The following SCML2 variants were observed in gnomAD, a reference collection of about 807,000 sequenced individuals.
The protein encoded by SCML2 is sex comb on midleg-like protein 2.
A neutral mutation model predicts 48.4 loss-of-function variants in SCML2; 6 were observed. The ratio of observed to expected loss-of-function variants is 0.12; its 90% CI spans 0.07 to 0.24. SCML2 has a LOEUF of 0.24. Among genes scored for constraint, SCML2 ranks in the 10% least tolerant of loss-of-function variants. The probability of loss-of-function intolerance (pLI) is 1.00; values close to 1 mark genes in which losing one functional copy is unlikely to be tolerated. For missense variants in SCML2, 377 were observed against 528.2 expected (o/e 0.71, Z 2.81); for synonymous variants, 181 against 189.5 (o/e 0.95, Z 0.37).
At chrX:18,292,004 TAAG>T (rs1224468353) in intron 7 of SCML2, among the ~76,000 whole-genome samples, 1 of 110,749 alleles carries the variant, frequency 9.0e-6, no homozygotes, top group Non-Finnish European at 1.9e-5. Flanking sequence ...CTCAAATCAA[TAAG>T]AAAAAACACG....
At chrX:18,269,718 T>C (rs969182296) in intron 7 of SCML2, among the ~76,000 whole-genome samples, 2 of 111,432 alleles carry the variant, frequency 1.8e-5, no homozygotes, top group Non-Finnish European at 3.8e-5. Flanking sequence ...CCTAGGAATA[T>C]AGGAGGTCCT....
At position 18,265,713 on chromosome X, in the gene SCML2, T is replaced by C. The variant is rs1444631194; in HGVS notation, c.820A>G (p.Ile274Val). Reference sequence around the variant, plus strand: ...CTCCTGACCTGCTGTGTTGGTAATATTAGAGTAGTTTTCTGTGGAGACTGC... The same window carrying C: ...CTCCTGACCTGCTGTGTTGGTAATACTAGAGTAGTTTTCTGTGGAGACTGC... ...SMQSPQKTTL[I>V]LPTQQVRRSS... The change falls in exon 8 of 15, where the codon ATA becomes GTA. Residue 274 changes from isoleucine (I) to valine (V), a missense_variant. By Grantham distance (29) the Ile-to-Val change is conservative. Transcript: ENST00000251900. 9.9e-6 allele frequency: 12 copies of C among 1,208,349 alleles called. No individual in the cohort carries two copies. Among genetic ancestry groups the C allele is most frequent in the South Asian group, 3.5e-5 (2 of 56,757 alleles).
rs192432609 is a variant in SCML2, at chrX:18,252,233, C to T, written c.1457-4351G>A. 4.6e-3 allele frequency among the ~76,000 whole-genome samples: 516 copies of T among 112,800 alleles called. 5 individuals carry two copies. Among genetic ancestry groups the T allele is most frequent in the African/African-American group, 0.015 (482 of 31,106 alleles). ...AGGTTGTGGCGAGCCAAGATCACAC[C>T]ACTGCACTCCAGCCTAGGCAACAGA... is the stretch of plus-strand genomic sequence containing the variant. On this transcript the variant is annotated intron_variant, in intron 11 of 14. Transcript: ENST00000251900.
chrX:18,242,692 T>C, intron 13 of SCML2, 102 bp from the exon 14 acceptor site: 1 of 883,392 alleles, frequency 1.1e-6, no homozygotes, highest in African/African-American at 2.0e-5. Context: ...TGGAACCTTT[T>C]GTTAAGTTCC....
At chrX:18,312,345 T>C (rs1928977366) in intron 6 of SCML2, among the ~76,000 whole-genome samples, 1 of 111,190 alleles carries the variant, frequency 9.0e-6, no homozygotes, top group South Asian at 3.8e-4. Context: ...CTCAAGTCCC[T>C]GATATAAAAT....
At chrX:18,277,306 A>G (rs929038673) in intron 7 of SCML2, among the ~76,000 whole-genome samples, 12 of 111,853 alleles carry the variant, frequency 1.1e-4, no homozygotes, top group Admixed American at 4.7e-4. Flanking sequence ...CCTGGCCTCA[A>G]GCAATCCACC....
intron 7 of SCML2, among the ~76,000 whole-genome samples, chrX:18,292,945 A>G (rs1443071794): frequency 9.0e-6 from 1 of 111,463 alleles, no homozygotes; most frequent in East Asian, 2.8e-4. Context: ...TCTAAAGAAC[A>G]ACTATACCAT....
chrX:18,258,370 G>A, intron 9 of SCML2, 123 bp from the exon 10 acceptor site: 1 of 452,072 alleles, frequency 2.2e-6, no homozygotes, highest in Non-Finnish European at 3.7e-6. Flanking sequence ...CCTAAATATA[G>A]TTAATATCAA....
intron 6 of SCML2, among the ~76,000 whole-genome samples, chrX:18,319,700 C>A (rs1168971689): frequency 9.0e-6 from 1 of 110,856 alleles, no homozygotes; most frequent in East Asian, 2.8e-4. Flanking sequence ...GCTATTGTTA[C>A]GAATTTAATT....
intron 10 of SCML2, among the ~76,000 whole-genome samples, chrX:18,257,422 G>A (rs188772959): frequency 1.3e-3 from 142 of 111,578 alleles, no homozygotes; most frequent in African/African-American, 4.4e-3. Flanking sequence ...ATCAGCCAAG[G>A]TACTCTGCCT....
chrX:18,242,551 T>G lies in SCML2; in HGVS notation c.1862A>C (p.Lys621Thr). Residue 621 changes from lysine to threonine, a missense_variant, in exon 14 of 15, where the codon AAA becomes ACA. Physicochemically the swap from Lys to Thr is moderately conservative, Grantham distance 78 (BLOSUM62 -1). Around this residue, in one of 3 missense-constraint regions of SCML2, gnomAD observed 299 missense variants for 425.5 expected, o/e 0.70. Coordinates refer to ENST00000251900, the MANE Select transcript of SCML2 (RefSeq NM_006089.3). Reference sequence around the variant, plus strand: ...TGAAGGGTCCTTAGAGAAGCCTTGTTTCAGGACACTGGGATCAGGTACAGC... The same window carrying G: ...TGAAGGGTCCTTAGAGAAGCCTTGTGTCAGGACACTGGGATCAGGTACAGC... ...YIAVPDPSVL[K>T]QGFSKDPSTW... The G allele has an allele frequency of 1.7e-6, 2 of 1,208,179 alleles. No homozygotes were observed. The highest frequency in any genetic ancestry group is 2.2e-6 in the Non-Finnish European group (2 of 894,312).
intron 7 of SCML2, among the ~76,000 whole-genome samples, chrX:18,278,336 G>A (rs926737779): frequency 1.7e-4 from 19 of 111,413 alleles, no homozygotes; most frequent in Non-Finnish European, 3.6e-4. Flanking sequence ...CTAGCTCCCA[G>A]CCCTGAACAG....
chrX:18,308,237 G>A (rs1252274788), intron 6 of SCML2, among the ~76,000 whole-genome samples: 3 of 99,712 alleles, frequency 3.0e-5, no homozygotes, highest in Non-Finnish European at 6.1e-5. Flanking sequence ...TCCAGCCTGG[G>A]CAACGGAGTG....
chrX:18,272,944 T>G (rs1927508368), intron 7 of SCML2, among the ~76,000 whole-genome samples: 1 of 112,281 alleles, frequency 8.9e-6, no homozygotes, highest in African/African-American at 3.2e-5. Context: ...TTTCTCATTT[T>G]TAACCTGCTA....
At chrX:18,351,851 T>C (rs902057232) in intron 1 of SCML2, among the ~76,000 whole-genome samples, 3 of 111,258 alleles carry the variant, frequency 2.7e-5, no homozygotes, top group Non-Finnish European at 3.8e-5. Flanking sequence ...CAAACTAAAA[T>C]TGGGATTTGG....
intron 7 of SCML2, among the ~76,000 whole-genome samples, chrX:18,303,724 T>C (rs1245919087): frequency 8.9e-6 from 1 of 112,227 alleles, no homozygotes; most frequent in African/African-American, 3.2e-5. Context: ...TACTAAATTT[T>C]ACAAAATCAA....
intron 11 of SCML2, among the ~76,000 whole-genome samples, chrX:18,254,660 A>C (rs1926775458): frequency 1.8e-5 from 2 of 112,067 alleles, no homozygotes; most frequent in South Asian, 7.4e-4. Context: ...ATGGTGGCTC[A>C]GGCCTGTAAT....
intron 7 of SCML2, among the ~76,000 whole-genome samples, chrX:18,300,938 C>A (rs1185382458): frequency 9.1e-6 from 1 of 110,360 alleles, no homozygotes; most frequent in Non-Finnish European, 1.9e-5. Context: ...AATACAGCCA[C>A]AAAATAGATA....
At chrX:18,254,516 T>C (rs772160334) in intron 11 of SCML2, among the ~76,000 whole-genome samples, 5 of 112,690 alleles carry the variant, frequency 4.4e-5, no homozygotes, top group Non-Finnish European at 9.4e-5. Context: ...ATTTGATTAA[T>C]CTGAAAATTC....
Sources: allele counts gnomAD v4.1 joint callset (sites outside exome capture counted in the v4.1 genomes callset), GRCh38; gene constraint gnomAD v4.1.1; regional missense constraint gnomAD v4.1.1; transcripts MANE v1.5; gene names NCBI Gene and HGNC (gene_info 2026-07-23, HGNC 2026-07-21).